RALA: variants seen among roughly 807,000 people sequenced by gnomAD.
RALA encodes RAS like proto-oncogene A.
In RALA, 5 loss-of-function variants were observed where a neutral mutation model predicts 24.0. That is an observed-to-expected ratio of 0.21 (90% CI 0.11 to 0.44). RALA has a LOEUF of 0.44. Among genes scored for constraint, RALA ranks in the 20% least tolerant of loss-of-function variants. RALA has a pLI of 0.99. For missense variants in RALA, 95 were observed against 241.2 expected (o/e 0.39, Z 4.01); for synonymous variants, 77 against 83.8 (o/e 0.92, Z 0.44).
At chr7:39,681,302 C>CTATTTTT (rs1792594777) in intron 1 of RALA, among the ~76,000 whole-genome samples, 1 of 50,008 alleles carries the variant, frequency 2.0e-5, no homozygotes, top group Non-Finnish European at 3.6e-5. Context: ...CACCCTATTC[C>CTATTTTT]TTTTTTTTTT....
chr7:39,625,521 C>G (rs1791468388), intron 1 of RALA, among the ~76,000 whole-genome samples: 1 of 152,216 alleles, frequency 6.6e-6, no homozygotes, highest in South Asian at 2.1e-4. Context: ...GTTCATTCTT[C>G]CCATGAATAC....
intron 1 of RALA, among the ~76,000 whole-genome samples, chr7:39,651,304 ACT>A (rs1341364883): frequency 1.3e-5 from 2 of 152,098 alleles, no homozygotes; most frequent in Non-Finnish European, 2.9e-5. Flanking sequence ...TTGGGATGTA[ACT>A]CTATTGTATG....
intron 1 of RALA, among the ~76,000 whole-genome samples, chr7:39,677,897 T>A (rs1482421086): frequency 2.0e-4 from 27 of 136,790 alleles, no homozygotes; most frequent in African/African-American, 7.5e-4. Flanking sequence ...TTTGATGGGG[T>A]TGTTTGTTTT....
chr7:39,703,332 C>T (rs1793061365), intron 4 of RALA: 1 of 152,154 alleles, frequency 6.6e-6, no homozygotes, highest in Non-Finnish European at 1.5e-5. Context: ...GAATCACAAC[C>T]ACTAGGGGCA....
rs1056837379 is a variant in RALA, at chr7:39,707,950, C to T, written c.*1705C>T. 2.6e-5 allele frequency: 4 copies of T among 152,646 alleles called. No homozygotes were observed. The highest frequency in any genetic ancestry group is 9.7e-5 in the African/African-American group (4 of 41,446). 9.5% of individuals were successfully genotyped at this position (152,646 alleles called of 1,614,324 possible). A position where few individuals can be genotyped will look rare whatever the true frequency, so the allele number is the denominator to read the frequency against. On this transcript the variant is annotated 3_prime_UTR_variant, in exon 5 of 5. Transcript: ENST00000005257. ...ATTACAGTCTTATTTAACCAGGGGT[C>T]CTAACCACTAACATTGTGACTTTGC...
intron 3 of RALA, among the ~76,000 whole-genome samples, chr7:39,691,423 G>A (rs2116084383): frequency 6.6e-6 from 1 of 152,274 alleles, no homozygotes; most frequent in Middle Eastern, 3.4e-3. Context: ...CAGCCTAGAT[G>A]AATATATAAG....
At chr7:39,696,580 C>A in intron 3 of RALA, 105 bp from the exon 4 acceptor site, 1 of 842,748 alleles carries the variant, frequency 1.2e-6, no homozygotes, top group Non-Finnish European at 1.8e-6. Context: ...TTGTGTACCA[C>A]AGTAGTAGAT....
chr7:39,706,056 G>C (rs1325618003), intron 4 of RALA, 67 bp from the exon 5 acceptor site: 1 of 1,403,362 alleles, frequency 7.1e-7, no homozygotes, highest in Non-Finnish European at 9.8e-7. Flanking sequence ...GTTTACTGCT[G>C]TGATTTGGAG....
At chr7:39,670,095 T>C (rs545533819) in intron 1 of RALA, among the ~76,000 whole-genome samples, 48 of 152,332 alleles carry the variant, frequency 3.2e-4, no homozygotes, top group African/African-American at 1.1e-3. Context: ...CAGATATAAA[T>C]TACTTAAATT....
In RALA at chr7:39,623,628, C is replaced by G. The variant is rs757575311; in HGVS notation, c.-235C>G. The G allele has an allele frequency of 6.5e-6, 1 of 153,812 alleles. No homozygotes were observed. Among genetic ancestry groups the G allele is most frequent in the Non-Finnish European group, 1.5e-5 (1 of 68,854 alleles). The allele number at this position is 153,812 out of a possible 1,614,324, so 9.5% of individuals were successfully genotyped here. On this transcript the variant is annotated 5_prime_UTR_variant, in exon 1 of 5. Transcript: ENST00000005257. This position sits in a 1 kb window ranked among gnomAD's most constrained non-coding sequence, Gnocchi z 4.9. ...GGTGGATCTCCCCAGAGCAAAGCGTCGGAGTCCTCCTCCTCCTTCTCCTCC... is the reference window on the plus strand; with the variant it reads ...GGTGGATCTCCCCAGAGCAAAGCGTGGGAGTCCTCCTCCTCCTTCTCCTCC...
chr7:39,682,274 A>G (rs1792617235), intron 1 of RALA, among the ~76,000 whole-genome samples: 1 of 152,142 alleles, frequency 6.6e-6, no homozygotes, highest in South Asian at 2.1e-4. Flanking sequence ...TATAGGTGGT[A>G]TTAGTAGTTA....
At chr7:39,695,291 C>T (rs1226208371) in intron 3 of RALA, among the ~76,000 whole-genome samples, 1 of 152,106 alleles carries the variant, frequency 6.6e-6, no homozygotes, top group East Asian at 1.9e-4. Context: ...GCACATCCTC[C>T]CATGTACCTT....
intron 1 of RALA, among the ~76,000 whole-genome samples, chr7:39,665,323 T>A (rs1310795891): frequency 6.6e-6 from 1 of 152,198 alleles, no homozygotes; most frequent in Admixed American, 6.5e-5. Flanking sequence ...AAAATTTTCT[T>A]AACATTATCT....
intron 1 of RALA, among the ~76,000 whole-genome samples, chr7:39,678,842 A>G (rs952074676): frequency 1.3e-5 from 2 of 152,178 alleles, no homozygotes; most frequent in African/African-American, 4.8e-5. Context: ...ACTAGTTTTA[A>G]TTATATTTTT....
chr7:39,684,893 A>G (rs17171613), intron 1 of RALA, among the ~76,000 whole-genome samples: 2,794 of 152,226 alleles, frequency 0.018, 73 homozygotes, highest in East Asian at 0.15. Flanking sequence ...CATTCATTCA[A>G]TGCTTTTGCA....
At chr7:39,658,404 G>A (rs1183457764) in intron 1 of RALA, among the ~76,000 whole-genome samples, 3 of 152,100 alleles carry the variant, frequency 2.0e-5, no homozygotes, top group East Asian at 3.8e-4. Context: ...AGTATGTTCA[G>A]TCTGTTGGAT....
chr7:39,696,680 T>A lies in RALA; in HGVS notation c.324-5T>A, dbSNP rs1792927969. On this transcript the variant is annotated splice_polypyrimidine_tract_variant and splice_region_variant and intron_variant, in intron 3 of 4. Coordinates refer to ENST00000005257, the MANE Select transcript of RALA (RefSeq NM_005402.4). The stretch of plus-strand genomic sequence containing the variant: ...AATATTTCTTTTTCATTTTCTCTTA[T>A]CCAGGGAGCAGATTTTAAGAGTAAA... The A allele has an allele frequency of 6.3e-7, 1 of 1,586,374 alleles. No homozygotes were observed. Among genetic ancestry groups the A allele is most frequent in the Admixed American group, 1.8e-5 (1 of 55,378 alleles).
intron 1 of RALA, among the ~76,000 whole-genome samples, chr7:39,678,166 A>G (rs1313397274): frequency 1.3e-5 from 2 of 151,720 alleles, no homozygotes; most frequent in South Asian, 2.1e-4. Context: ...CACAATGTGC[A>G]CATGTACCCT....
At chr7:39,625,121 A>G (rs1791459174) in intron 1 of RALA, among the ~76,000 whole-genome samples, 2 of 152,180 alleles carry the variant, frequency 1.3e-5, no homozygotes, top group African/African-American at 4.8e-5. Flanking sequence ...TTCTGCACTG[A>G]ATGAATGAGT....
Sources: gnomAD v4.1 joint callset for allele counts (sites outside exome capture counted in the v4.1 genomes callset) on GRCh38, gnomAD v4.1.1 for gene constraint, Gnocchi (gnomAD v3.1) non-coding constraint, MANE v1.5 for transcripts, NCBI Gene and HGNC (gene_info 2026-07-23, HGNC 2026-07-21) for gene names.